The following C8B variants were observed in gnomAD, a reference collection of about 807,000 sequenced individuals.
C8B encodes complement component C8 beta chain.
A neutral mutation model predicts 64.6 loss-of-function variants in C8B; 67 were observed. The ratio of observed to expected loss-of-function variants is 1.04; its 90% CI spans 0.85 to 1.27. The LOEUF is 1.27. Among genes scored for constraint, C8B ranks in the 50% most tolerant of loss-of-function variants. The probability of loss-of-function intolerance (pLI) is 0.00; values close to 1 mark genes in which losing one functional copy is unlikely to be tolerated. For missense variants in C8B, 790 were observed against 725.2 expected (o/e 1.09, Z -1.03); for synonymous variants, 284 against 257.7 (o/e 1.10, Z -0.98).
chr1:56,952,177 T>C lies in C8B; in HGVS notation c.537A>G (p.Ile179Met). 1 of 1,614,178 alleles carries C rather than the reference T, an allele frequency of 6.2e-7. No individual in the cohort carries two copies. The highest frequency in any genetic ancestry group is 1.3e-5 in the African/African-American group (1 of 75,062). The change falls in exon 5 of 12, where the codon ATA becomes ATG. Residue 179 changes from isoleucine (I) to methionine (M), a missense_variant. Transcript: ENST00000371237. The part of the protein sequence containing the change: ...YWGIGSLASG[I>M]NLFTNSFEGP... Reference sequence around the variant, plus strand: ...CCTCAAAACTGTTTGTGAACAAATTTATCCTGTGAGGAAGAGACAGAGATG... The same window carrying C: ...CCTCAAAACTGTTTGTGAACAAATTCATCCTGTGAGGAAGAGACAGAGATG...
In C8B at chr1:56,961,029, G is replaced by T. The variant is rs190306714; in HGVS notation, c.93-853C>A. ...TTCTTGAGAGGAGAAGTGAGTGAAG[G>T]ATACTTATTCTTGGAAACCTCAGCA... On this transcript the variant is annotated intron_variant, in intron 1 of 11. Transcript: ENST00000371237. 3.3e-3 allele frequency among the ~76,000 whole-genome samples: 501 copies of T among 152,020 alleles called. 3 individuals are homozygous for T. Among genetic ancestry groups the T allele is most frequent in the African/African-American group, 0.011 (468 of 41,508 alleles).
intron 1 of C8B, 62 bp from the exon 2 acceptor site, chr1:56,960,238 C>T: frequency 6.9e-7 from 1 of 1,452,442 alleles, no homozygotes; most frequent in Non-Finnish European, 9.7e-7. Flanking sequence ...TACATCCAAC[C>T]ATCTATTTGT....
chr1:56,944,222 T>C (rs189897757), intron 7 of C8B, among the ~76,000 whole-genome samples: 8 of 151,306 alleles, frequency 5.3e-5, no homozygotes, highest in Non-Finnish European at 7.4e-5. Flanking sequence ...AGAAAAAGTG[T>C]GTTAATTAAT....
chr1:56,953,567 A>G (rs1645057372), intron 4 of C8B, among the ~76,000 whole-genome samples: 1 of 152,210 alleles, frequency 6.6e-6, no homozygotes, highest in Non-Finnish European at 1.5e-5. Context: ...CAGTGGAGCA[A>G]GAACAGAGTC....
intron 2 of C8B, among the ~76,000 whole-genome samples, chr1:56,958,646 T>C (rs1645135286): frequency 6.6e-6 from 1 of 152,160 alleles, no homozygotes. Flanking sequence ...GATAACCAGC[T>C]GAGGGAACGT....
At chr1:56,961,672 C>T (rs1645182555) in intron 1 of C8B, among the ~76,000 whole-genome samples, 1 of 152,164 alleles carries the variant, frequency 6.6e-6, no homozygotes, top group South Asian at 2.1e-4. Flanking sequence ...ACGTAGTTTT[C>T]ACCATCTCAT....
chr1:56,935,180 T>C (rs899759593), intron 9 of C8B, among the ~76,000 whole-genome samples: 25 of 152,214 alleles, frequency 1.6e-4, no homozygotes, highest in Non-Finnish European at 3.4e-4. Context: ...TTGATAAAAA[T>C]GGCTTGATTA....
At chr1:56,964,088 G>A (rs569688615) in intron 1 of C8B, 16 of 717,074 alleles carry the variant, frequency 2.2e-5, no homozygotes, top group South Asian at 1.9e-4. Flanking sequence ...CCACACATGC[G>A]TGAATCTTTT....
At chr1:56,944,748 G>A (rs548102990) in intron 7 of C8B, among the ~76,000 whole-genome samples, 3 of 152,284 alleles carry the variant, frequency 2.0e-5, no homozygotes, top group East Asian at 3.9e-4. Flanking sequence ...ATGCAGGAAG[G>A]TACCTCTGAT....
chr1:56,946,014 G>C lies in C8B; in HGVS notation c.912C>G (p.Tyr304Ter). ...HARSDLEVAH[Y>*]KLKPRSLMLH... ...GCATGAGGCTTCTGGGTTTCAGCTTGTAATGTGCTACTTCAAGGTCAGAGC... is the reference window on the plus strand; with the variant it reads ...GCATGAGGCTTCTGGGTTTCAGCTTCTAATGTGCTACTTCAAGGTCAGAGC... The change falls in exon 7 of 12, where the codon TAC becomes TAG. Residue 304 changes from tyrosine (Y) to a stop codon, truncating the protein, a stop_gained. Transcript: ENST00000371237. LOFTEE classifies it high-confidence loss of function. The C allele has an allele frequency of 6.2e-7, 1 of 1,614,108 alleles. No homozygotes were observed. Among genetic ancestry groups the C allele is most frequent in the Non-Finnish European group, 8.5e-7 (1 of 1,179,998 alleles).
At position 56,931,745 on chromosome 1, in the gene C8B, C is replaced by G. The variant is rs1028015093; in HGVS notation, c.1621+65G>C. 62 of 1,114,718 alleles carry G rather than the reference C, an allele frequency of 5.6e-5. No individual in the cohort carries two copies. In the Admixed American group the frequency reaches 1.0e-3, roughly 19 times the overall value. 69.1% of individuals were successfully genotyped at this position (1,114,718 alleles called of 1,614,324 possible). A position where few individuals can be genotyped will look rare whatever the true frequency, so the allele number is the denominator to read the frequency against. On this transcript the variant is annotated intron_variant, in intron 11 of 11. Transcript: ENST00000371237. ...TCCAGCCCCACACTCCACACCAGCTCCTTGCTCTTCTTCTGGTGAATTATT... is the reference window on the plus strand; with the variant it reads ...TCCAGCCCCACACTCCACACCAGCTGCTTGCTCTTCTTCTGGTGAATTATT...
At chr1:56,962,025 C>T (rs1291309204) in intron 1 of C8B, among the ~76,000 whole-genome samples, 1 of 152,280 alleles carries the variant, frequency 6.6e-6, no homozygotes, top group African/African-American at 2.4e-5. Flanking sequence ...CTGCAGGGTA[C>T]CCTCTTCCTA....
intron 6 of C8B, among the ~76,000 whole-genome samples, chr1:56,948,651 T>G (rs1304382464): frequency 6.6e-6 from 1 of 151,958 alleles, no homozygotes; most frequent in African/African-American, 2.4e-5. Context: ...GAGAGTACAT[T>G]GAGAAGAGGG....
chr1:56,929,550 T>C lies in C8B; in HGVS notation c.1630A>G (p.Ile544Val). 4 of 1,613,670 alleles carry C rather than the reference T, an allele frequency of 2.5e-6. No individual in the cohort carries two copies. The highest frequency in any genetic ancestry group is 3.4e-6 in the Non-Finnish European group (4 of 1,179,638). ...CEVSYRKNTP[I>V]DGKWNCWSNW... is the part of the protein sequence containing the mutation. ...GACCAGCAATTCCACTTCCCATCAA[T>C]GGGGGTATCTATAAGAAAGAAGGTC... Residue 544 changes from isoleucine (I) to valine (V), a missense_variant, in exon 12 of 12, where the codon ATT becomes GTT. Ile to Val is a conservative substitution (Grantham distance 29). Transcript: ENST00000371237.
intron 11 of C8B, 35 bp from the exon 12 acceptor site, chr1:56,929,593 A>G: frequency 6.2e-7 from 1 of 1,605,714 alleles, no homozygotes; most frequent in Non-Finnish European, 8.5e-7. Flanking sequence ...ATCAATCAGC[A>G]CTTCTTATAT....
chr1:56,940,998 C>T lies in C8B; in HGVS notation c.1249G>A (p.Asp417Asn). Residue 417 changes from aspartate (D) to asparagine (N), a missense_variant, in exon 9 of 12, where the codon GAC becomes AAC. Coordinates refer to ENST00000371237, the MANE Select transcript of C8B (RefSeq NM_000066.4). ...ACCACCAAGTCCTCCACCATGGTGT[C>T]CCTCTTGTTTCTGTCTGGAATGGAC... ...LNEIKDRNKR[D>N]TMVEDLVVLV... 1 of 1,614,032 alleles carries T rather than the reference C, an allele frequency of 6.2e-7. No individual in the cohort carries two copies.
intron 11 of C8B, among the ~76,000 whole-genome samples, chr1:56,929,803 C>T (rs375437211): frequency 5.1e-4 from 78 of 152,264 alleles, no homozygotes; most frequent in African/African-American, 1.8e-3. Flanking sequence ...CAATTCACCC[C>T]TCGGATCTCA....
In C8B at chr1:56,945,416, T is replaced by C. The variant is rs564342674; in HGVS notation, c.1105+405A>G. On this transcript the variant is annotated intron_variant, in intron 7 of 11. Transcript: ENST00000371237. The stretch of plus-strand genomic sequence containing the variant: ...ATGTAGATGGCTATAGAATAAAACA[T>C]ATTGGAGAAAGAAAGTCAAAAGTTC... Among the ~76,000 whole-genome samples, 6 of 152,242 alleles carry C rather than the reference T, an allele frequency of 3.9e-5. No homozygotes were observed. The East Asian group carries it at 9.7e-4, about 25-fold the overall frequency.
At chr1:56,943,641 G>C in intron 8 of C8B, 55 bp downstream of exon 8, 1 of 1,605,356 alleles carries the variant, frequency 6.2e-7, no homozygotes, top group East Asian at 2.2e-5. Context: ...AATCACCAGA[G>C]GCACTAGGAG....
Sources: allele counts gnomAD v4.1 joint callset (sites outside exome capture counted in the v4.1 genomes callset), GRCh38; gene constraint gnomAD v4.1.1; transcripts MANE v1.5; gene names NCBI Gene and HGNC (gene_info 2026-07-23, HGNC 2026-07-21).